The following CNOT10 variants were observed in gnomAD, a reference collection of about 807,000 sequenced individuals.
CNOT10 encodes CCR4-NOT transcription complex, subunit 10.
Under a neutral mutation model 94.6 loss-of-function variants are expected in CNOT10, and 30 were observed. The observed-to-expected ratio is 0.32, with a 90% CI of 0.24 to 0.43. The LOEUF (loss-of-function observed/expected upper bound fraction) is 0.43. Among genes scored for constraint, CNOT10 ranks in the 20% least tolerant of loss-of-function variants. CNOT10 has a pLI of 1.00. For missense variants in CNOT10, 759 were observed against 877.2 expected (o/e 0.87, Z 1.70); for synonymous variants, 289 against 301.6 (o/e 0.96, Z 0.43).
intron 17 of CNOT10, chr3:32,765,035 A>ATT: frequency 7.1e-7 from 1 of 1,408,072 alleles, no homozygotes; most frequent in Non-Finnish European, 9.4e-7. Flanking sequence ...TTTAAAAAAA[A>ATT]TTTTTTTTTG....
intron 14 of CNOT10, among the ~76,000 whole-genome samples, chr3:32,762,202 G>A (rs990172204): frequency 7.2e-4 from 105 of 146,660 alleles, no homozygotes; most frequent in Non-Finnish European, 6.1e-4. Flanking sequence ...GGTGGCTCAC[G>A]CCTGTAATAC....
chr3:32,737,310 T>C, intron 12 of CNOT10, 100 bp from the exon 13 acceptor site: 1 of 729,642 alleles, frequency 1.4e-6, no homozygotes, highest in South Asian at 1.8e-5. Flanking sequence ...CAAAACTCTG[T>C]CTCAAAAAAA....
intron 1 of CNOT10, among the ~76,000 whole-genome samples, chr3:32,702,500 A>G (rs1697398165): frequency 6.6e-6 from 1 of 152,242 alleles, no homozygotes; most frequent in Admixed American, 6.5e-5. Context: ...ATTTATATGG[A>G]CACTTAACAT....
intron 1 of CNOT10, among the ~76,000 whole-genome samples, chr3:32,692,955 G>A (rs1299689068): frequency 6.6e-6 from 1 of 152,132 alleles, no homozygotes; most frequent in Non-Finnish European, 1.5e-5. Flanking sequence ...TGAGGTAGGA[G>A]GTCACTGGAG....
chr3:32,737,816 A>G lies in CNOT10; in HGVS notation c.1595+326A>G, dbSNP rs1034208375. ...GAGCAACTCTGTCTCAAAAAAAAAA[A>G]GAACACATTCTTTTTTATCTTGTTG... On this transcript the variant is annotated intron_variant, in intron 13 of 18. Coordinates refer to ENST00000328834, the MANE Select transcript of CNOT10 (RefSeq NM_015442.3). 6.6e-5 allele frequency among the ~76,000 whole-genome samples: 10 copies of G among 152,066 alleles called. No homozygotes were observed. In the East Asian group the frequency reaches 1.7e-3, roughly 26 times the overall value.
At chr3:32,759,670 T>C (rs1700361920) in intron 14 of CNOT10, 99 bp downstream of exon 14, 4 of 801,556 alleles carry the variant, frequency 5.0e-6, no homozygotes, top group Admixed American at 2.2e-5. Context: ...TCCAGTGGAA[T>C]ATATATTTGT....
chr3:32,710,889 T>C (rs547642479), intron 4 of CNOT10, among the ~76,000 whole-genome samples: 52 of 152,212 alleles, frequency 3.4e-4, no homozygotes, highest in African/African-American at 1.2e-3. Context: ...CCCAGCTAAT[T>C]TTTGTATTGT....
At chr3:32,759,235 G>T (rs1250592843) in intron 13 of CNOT10, among the ~76,000 whole-genome samples, 2 of 152,008 alleles carry the variant, frequency 1.3e-5, no homozygotes, top group Non-Finnish European at 2.9e-5. Context: ...GGGGATGTGG[G>T]TCAATTGGAT....
At chr3:32,721,214 C>G (rs1214975790) in intron 8 of CNOT10, among the ~76,000 whole-genome samples, 1 of 151,334 alleles carries the variant, frequency 6.6e-6, no homozygotes, top group African/African-American at 2.4e-5. Context: ...CAGGCACGCA[C>G]CACCATGCTC....
intron 13 of CNOT10, among the ~76,000 whole-genome samples, chr3:32,750,618 T>C (rs1172247402): frequency 1.3e-5 from 2 of 151,996 alleles, no homozygotes; most frequent in Non-Finnish European, 2.9e-5. Context: ...ACTGGCGCAA[T>C]CTTGGCTCCT....
At position 32,770,194 on chromosome 3, in the gene CNOT10, G is replaced by T. The variant is rs536379320; in HGVS notation, c.2080+232G>T. Among the ~76,000 whole-genome samples, 9 of 151,976 alleles carry T rather than the reference G, an allele frequency of 5.9e-5. No homozygotes were observed. The South Asian group carries it at 1.7e-3, about 28-fold the overall frequency. The stretch of plus-strand genomic sequence containing the variant: ...ACTAATTTTTTAAATTTTTTTTAGA[G>T]ATGTGGTCTCGCTTTGTTGCCCAGG... On this transcript the variant is annotated intron_variant, in intron 18 of 18. Coordinates refer to ENST00000328834, the MANE Select transcript of CNOT10 (RefSeq NM_015442.3).
At chr3:32,705,284 A>G (rs995060459) in intron 3 of CNOT10, among the ~76,000 whole-genome samples, 1 of 152,184 alleles carries the variant, frequency 6.6e-6, no homozygotes, top group African/African-American at 2.4e-5. Context: ...GTTTATAATG[A>G]AAAAAATATG....
chr3:32,745,067 C>T (rs1428912106), intron 13 of CNOT10, among the ~76,000 whole-genome samples: 1 of 151,830 alleles, frequency 6.6e-6, no homozygotes, highest in Non-Finnish European at 1.5e-5. Context: ...TTAGTAGAGA[C>T]GGGGTTTCAC....
chr3:32,731,738 A>G (rs1054398584), intron 10 of CNOT10, among the ~76,000 whole-genome samples: 1 of 151,948 alleles, frequency 6.6e-6, no homozygotes, highest in Non-Finnish European at 1.5e-5. Flanking sequence ...CAGCCTCCCA[A>G]AGTTCTAGGA....
intron 13 of CNOT10, among the ~76,000 whole-genome samples, chr3:32,741,978 A>AT (rs200789746): frequency 0.022 from 3,293 of 150,628 alleles, 49 homozygotes; most frequent in East Asian, 0.047. Context: ...TTTTTATTTT[A>AT]TTTTATTTTA....
At chr3:32,744,588 A>C (rs1193426608) in intron 13 of CNOT10, among the ~76,000 whole-genome samples, 2 of 152,208 alleles carry the variant, frequency 1.3e-5, no homozygotes, top group Non-Finnish European at 2.9e-5. Flanking sequence ...AAATCAAGGT[A>C]GTTTTCAGAA....
intron 14 of CNOT10, among the ~76,000 whole-genome samples, chr3:32,760,766 C>G (rs1221230741): frequency 6.6e-6 from 1 of 152,022 alleles, no homozygotes; most frequent in Non-Finnish European, 1.5e-5. Context: ...TTACAAATGC[C>G]AAAATATAAC....
chr3:32,707,785 T>TC (rs1697693950), intron 3 of CNOT10, among the ~76,000 whole-genome samples: 1 of 151,258 alleles, frequency 6.6e-6, no homozygotes, highest in Non-Finnish European at 1.5e-5. Flanking sequence ...CCTGGGTGAC[T>TC]CCATCTCAAA....
intron 11 of CNOT10, among the ~76,000 whole-genome samples, 195 bp from the exon 12 acceptor site, chr3:32,734,605 A>G (rs1699097720): frequency 6.6e-6 from 1 of 152,098 alleles, no homozygotes; most frequent in Non-Finnish European, 1.5e-5. Flanking sequence ...CTTGCAATCC[A>G]TTATTTATAC....
Sources: gnomAD v4.1 joint callset for allele counts (sites outside exome capture counted in the v4.1 genomes callset) on GRCh38, gnomAD v4.1.1 for gene constraint, MANE v1.5 for transcripts, NCBI Gene and HGNC (gene_info 2026-07-23, HGNC 2026-07-21) for gene names.